Variants in DNASE1 observed in about 807,000 individuals in gnomAD.
The protein encoded by DNASE1 is deoxyribonuclease-1.
DNASE1 carries 40 observed loss-of-function variants against 33.9 expected under a neutral mutation model. The observed-to-expected ratio is 1.18, with a 90% CI of 0.92 to 1.54. DNASE1 has a LOEUF of 1.54. Among genes scored for constraint, DNASE1 ranks in the 40% most tolerant of loss-of-function variants. DNASE1 has a pLI of 0.00. For missense variants in DNASE1, 518 were observed against 372.6 expected, an observed-to-expected ratio of 1.39 and a Z score of -3.21; for synonymous variants, 216 against 160.0, an observed-to-expected ratio of 1.35 and a Z score of -2.64.
chr16:3,640,362 G>A (rs76899715), upstream of DNASE1, among the ~76,000 whole-genome samples: 592 of 152,292 alleles, frequency 3.9e-3, 1 homozygote, highest in Middle Eastern at 0.01. Flanking sequence ...TGGCCTCCCT[G>A]AGCTCTGAAC....
intron 1 of DNASE1, among the ~76,000 whole-genome samples, chr16:3,630,755 T>G (rs759118708): frequency 1.3e-5 from 2 of 152,132 alleles, no homozygotes; most frequent in Non-Finnish European, 2.9e-5. Context: ...TAGTCCCAGT[T>G]ACTTGGGAGG....
intron 1 of DNASE1, among the ~76,000 whole-genome samples, chr16:3,620,657 A>G (rs1362913367): frequency 6.6e-6 from 1 of 152,136 alleles, no homozygotes; most frequent in Admixed American, 6.6e-5. Flanking sequence ...AGTTTTTATC[A>G]TTATAGATTA....
At chr16:3,646,326 G>A (rs2042171025) in intron 1 of DNASE1, among the ~76,000 whole-genome samples, 1 of 152,102 alleles carries the variant, frequency 6.6e-6, no homozygotes, top group Non-Finnish European at 1.5e-5. Flanking sequence ...ATATTTTCAT[G>A]GGCAAGAAAG....
At chr16:3,641,848 G>A (rs1000529924), upstream of DNASE1, among the ~76,000 whole-genome samples, 13 of 152,210 alleles carry the variant, frequency 8.5e-5, no homozygotes, top group African/African-American at 2.9e-4. Context: ...GGGCTGGAAG[G>A]AGAGCAGGGG....
chr16:3,612,482 C>T (rs1260775572), intron 1 of DNASE1, among the ~76,000 whole-genome samples: 2 of 151,030 alleles, frequency 1.3e-5, no homozygotes, highest in Non-Finnish European at 2.9e-5. Context: ...AACTCCTGAC[C>T]TCAGGTGATC....
intron 1 of DNASE1, among the ~76,000 whole-genome samples, chr16:3,645,157 A>G (rs1486348556): frequency 6.6e-6 from 1 of 152,088 alleles, no homozygotes; most frequent in African/African-American, 2.4e-5. Context: ...AAAAAAGTAA[A>G]AAGAAAATCC....
At chr16:3,620,204 C>T (rs1279349478) in intron 1 of DNASE1, among the ~76,000 whole-genome samples, 1 of 152,148 alleles carries the variant, frequency 6.6e-6, no homozygotes, top group Non-Finnish European at 1.5e-5. Flanking sequence ...GCATGAGCCA[C>T]CTCGCCAGGC....
At position 3,656,166 on chromosome 16, in the gene DNASE1, C is replaced by G. The variant is rs774890803; in HGVS notation, c.301C>G (p.Arg101Gly). 1 of 1,614,056 alleles carries G rather than the reference C, an allele frequency of 6.2e-7. No homozygotes were observed. The highest frequency in any genetic ancestry group is 8.5e-7 in the Non-Finnish European group (1 of 1,180,002). ...EPLGRNSYKE[R>G]YLFVYRPDQV... Reference sequence around the variant, plus strand: ...ACTGGGACGGAACAGCTATAAGGAGCGCTACCTGTTCGTGTACAGGTGGGT... The same window carrying G: ...ACTGGGACGGAACAGCTATAAGGAGGGCTACCTGTTCGTGTACAGGTGGGT... The change falls in exon 4 of 9, where the codon CGC becomes GGC. Residue 101 changes from arginine to glycine, a missense_variant. Transcript: ENST00000246949.
At chr16:3,629,024 T>C (rs2041614836) in intron 1 of DNASE1, among the ~76,000 whole-genome samples, 1 of 150,512 alleles carries the variant, frequency 6.6e-6, no homozygotes, top group African/African-American at 2.4e-5. Context: ...ATACAAACAT[T>C]TGCCGGGTGT....
chr16:3,621,722 C>T (rs760172155), intron 1 of DNASE1, among the ~76,000 whole-genome samples: 1 of 152,192 alleles, frequency 6.6e-6, no homozygotes, highest in Admixed American at 6.5e-5. Context: ...TACATTCATA[C>T]TTCATTGTAT....
chr16:3,650,603 CAAAAAAA>C (rs201718600), upstream of DNASE1: 44 of 63,398 alleles, frequency 6.9e-4, 1 homozygote, highest in Admixed American at 1.5e-3. Context: ...TATGGTCATT[CAAAAAAA>C]AAAAAAAAAA....
At chr16:3,650,062 C>G (rs2151203242), upstream of DNASE1, among the ~76,000 whole-genome samples, 1 of 152,174 alleles carries the variant, frequency 6.6e-6, no homozygotes, top group Non-Finnish European at 1.5e-5. Flanking sequence ...GGAGTTGGTT[C>G]CTACAAGTTT....
chr16:3,635,657 C>T (rs998434665), intron 1 of DNASE1, among the ~76,000 whole-genome samples: 3 of 150,478 alleles, frequency 2.0e-5, no homozygotes, highest in Admixed American at 1.3e-4. Context: ...GAGAAAGTCT[C>T]TTCTCTTTTG....
At position 3,657,357 on chromosome 16, in the gene DNASE1, C is replaced by A. The variant is rs762121233; in HGVS notation, c.704+16C>A. On this transcript the variant is annotated intron_variant, in intron 7 of 8. Transcript: ENST00000246949. Reference sequence around the variant, plus strand: ...CCTATGACAGGTGAGCAGGGCCTCGCGCTTAGGGCAGACTGAGGGCACCTC... The same window carrying A: ...CCTATGACAGGTGAGCAGGGCCTCGAGCTTAGGGCAGACTGAGGGCACCTC... The A allele has an allele frequency of 3.7e-6, 6 of 1,610,800 alleles. No homozygotes were observed. The highest frequency in any genetic ancestry group is 3.3e-5 in the South Asian group (3 of 91,070).
At chr16:3,661,024 G>GTAAC (rs2043045520), downstream of DNASE1, 1 of 152,062 alleles carries the variant, frequency 6.6e-6, no homozygotes, top group Non-Finnish European at 1.5e-5. Flanking sequence ...ACATGTTTAT[G>GTAAC]TAACTTCATT....
At chr16:3,635,608 G>A (rs1159960851) in intron 1 of DNASE1, among the ~76,000 whole-genome samples, 1 of 151,708 alleles carries the variant, frequency 6.6e-6, no homozygotes, top group Admixed American at 6.6e-5. Flanking sequence ...TTGCAAGGCA[G>A]GTCTACTGAT....
Position 3,656,668 on chromosome 16 carries a change from C to G in DNASE1, c.351C>G (p.Tyr117Ter), listed in dbSNP as rs1345850764. The G allele has an allele frequency of 6.2e-7, 1 of 1,613,172 alleles. No homozygotes were observed. The highest frequency in any genetic ancestry group is 1.1e-5 in the South Asian group (1 of 90,864). The change falls in exon 5 of 9, where the codon TAC (tyrosine) becomes TAG (stop). Residue 117 changes from tyrosine (Y) to a stop codon, truncating the protein, a stop_gained. Transcript: ENST00000246949. LOFTEE classifies it high-confidence loss of function. ...ACCAGGTGTCTGCGGTGGACAGCTACTACTACGATGATGGCTGCGAGCCCT... is the reference window on the plus strand; with the variant it reads ...ACCAGGTGTCTGCGGTGGACAGCTAGTACTACGATGATGGCTGCGAGCCCT... Reference protein sequence around the residue: ...RPDQVSAVDSYYYDDGCEPCG... With the variant: ...RPDQVSAVDS
chr16:3,658,861 C>A, downstream of DNASE1: 6 of 1,614,066 alleles, frequency 3.7e-6, no homozygotes, highest in Non-Finnish European at 3.4e-6. Flanking sequence ...TTGATGAGCG[C>A]GTGCCTGCAA....
chr16:3,658,419 C>CAACACATAAAT, downstream of DNASE1: 1 of 610,490 alleles, frequency 1.6e-6, no homozygotes, highest in Non-Finnish European at 2.9e-6. Context: ...CACGCCTGGC[C>CAACACATAAAT]ATTTTTCCGT....
Sources: gnomAD v4.1 joint callset for allele counts (sites outside exome capture counted in the v4.1 genomes callset) on GRCh38, gnomAD v4.1.1 for gene constraint, MANE v1.5 for transcripts, NCBI Gene and HGNC (gene_info 2026-07-23, HGNC 2026-07-21) for gene names.